Variants in DSCAML1 observed in about 807,000 individuals in gnomAD.
DSCAML1 encodes cell adhesion molecule DSCAML1.
Under a neutral mutation model 200.5 loss-of-function variants are expected in DSCAML1, and 38 were observed. The ratio of observed to expected loss-of-function variants is 0.19; its 90% CI spans 0.15 to 0.25. The LOEUF is 0.25. DSCAML1 is among the 10% of genes least tolerant of loss of function. DSCAML1 has a pLI of 1.00. For missense variants in DSCAML1, 2,223 were observed against 2,858.8 expected, an observed-to-expected ratio of 0.78 and a Z score of 5.07; for synonymous variants, 1,215 against 1,165.0, an observed-to-expected ratio of 1.04 and a Z score of -0.87.
In DSCAML1 at chr11:117,750,651, T is replaced by C. The variant is rs142601557; in HGVS notation, c.511+26140A>G. Reference sequence around the variant, plus strand: ...AGAGTGTAGGCCTCTGTGCTTATCCTAATCCCAAAATGAAGGTTCTAGTGG... The same window carrying C: ...AGAGTGTAGGCCTCTGTGCTTATCCCAATCCCAAAATGAAGGTTCTAGTGG... On this transcript the variant is annotated intron_variant, in intron 3 of 32. Coordinates refer to ENST00000651296, the MANE Select transcript of DSCAML1 (RefSeq NM_020693.4). 2.8e-3 allele frequency among the ~76,000 whole-genome samples: 423 copies of C among 152,296 alleles called. 4 individuals are homozygous for C. Among genetic ancestry groups the C allele is most frequent in the African/African-American group, 9.5e-3 (394 of 41,546 alleles).
In DSCAML1 at chr11:117,437,290, G is replaced by A. The variant is rs529781230; in HGVS notation, c.4552C>T (p.Arg1518Trp). The part of the protein sequence containing the change: ...CPITAIVLEY[R>W]PKGTWAWQGL... ...TGCCAGGCCCAGGTCCCCTTGGGCC[G>A]GTACTCCAGAACGATGGCTGTGATA... The change falls in exon 26 of 33, where the codon CGG becomes TGG. Residue 1518 changes from arginine to tryptophan, a missense_variant. Coordinates refer to ENST00000651296, the MANE Select transcript of DSCAML1 (RefSeq NM_020693.4). This position sits in a 1 kb window ranked among gnomAD's most constrained non-coding sequence, Gnocchi z 5.3. 1.9e-6 allele frequency: 3 copies of A among 1,614,244 alleles called. No individual in the cohort carries two copies. The highest frequency in any genetic ancestry group is 1.3e-5 in the African/African-American group (1 of 75,050).
chr11:117,718,907 G>A (rs1199260194), intron 3 of DSCAML1, among the ~76,000 whole-genome samples: 1 of 152,142 alleles, frequency 6.6e-6, no homozygotes, highest in Non-Finnish European at 1.5e-5. Context: ...GGCTTTGTGG[G>A]CCATCCTCAA....
At chr11:117,604,488 T>C (rs1368350309) in intron 3 of DSCAML1, among the ~76,000 whole-genome samples, 3 of 152,024 alleles carry the variant, frequency 2.0e-5, no homozygotes, top group Non-Finnish European at 4.4e-5. Context: ...CCCACCTTGG[T>C]GGGCCCTGCT....
At chr11:117,610,281 G>A (rs1162215664) in intron 3 of DSCAML1, among the ~76,000 whole-genome samples, 1 of 152,064 alleles carries the variant, frequency 6.6e-6, no homozygotes. Context: ...CCCCTTTTGC[G>A]GCTACAACTA....
At chr11:117,634,505 A>G (rs1306460477) in intron 3 of DSCAML1, among the ~76,000 whole-genome samples, 1 of 152,204 alleles carries the variant, frequency 6.6e-6, no homozygotes, top group Non-Finnish European at 1.5e-5. Context: ...AGGCAAAGGT[A>G]ACACATGCTG....
chr11:117,457,879 T>C (rs2137136985), intron 19 of DSCAML1, among the ~76,000 whole-genome samples: 1 of 152,320 alleles, frequency 6.6e-6, no homozygotes, highest in African/African-American at 2.4e-5. Flanking sequence ...GAAGCCACCA[T>C]GCCAAGGATG....
intron 3 of DSCAML1, among the ~76,000 whole-genome samples, chr11:117,662,423 G>T (rs1565859273): frequency 6.6e-6 from 1 of 152,246 alleles, no homozygotes; most frequent in Non-Finnish European, 1.5e-5. Flanking sequence ...ATGCCCGGAG[G>T]CAGAATCAGG....
intron 3 of DSCAML1, among the ~76,000 whole-genome samples, chr11:117,630,876 A>G (rs1218105504): frequency 6.6e-6 from 1 of 151,992 alleles, no homozygotes; most frequent in African/African-American, 2.4e-5. Context: ...TAAATGTGTG[A>G]CCTCAGCAGG....
At chr11:117,483,178 T>C (rs2097917466) in intron 11 of DSCAML1, among the ~76,000 whole-genome samples, 1 of 152,210 alleles carries the variant, frequency 6.6e-6, no homozygotes, top group African/African-American at 2.4e-5. Context: ...AGCGAAACCC[T>C]GTCCCCTTTC....
chr11:117,807,066 G>C (rs2055712503), intron 1 of DSCAML1, among the ~76,000 whole-genome samples: 1 of 152,098 alleles, frequency 6.6e-6, no homozygotes, highest in East Asian at 1.9e-4. Context: ...CCTTGGCCGG[G>C]GCACCCGCTT....
At chr11:117,620,549 G>A (rs2051907577) in intron 3 of DSCAML1, among the ~76,000 whole-genome samples, 1 of 152,184 alleles carries the variant, frequency 6.6e-6, no homozygotes, top group Non-Finnish European at 1.5e-5. Flanking sequence ...AGGCTTGTCT[G>A]TTTGCCACCC....
chr11:117,654,433 C>T (rs191752868), intron 3 of DSCAML1, among the ~76,000 whole-genome samples: 1 of 152,300 alleles, frequency 6.6e-6, no homozygotes, highest in Admixed American at 6.5e-5. Flanking sequence ...TATGCACTCA[C>T]ATTCTGGGCA....
chr11:117,656,013 G>A (rs958229154), intron 3 of DSCAML1, among the ~76,000 whole-genome samples: 12 of 152,192 alleles, frequency 7.9e-5, no homozygotes, highest in African/African-American at 2.7e-4. Flanking sequence ...AGGCCGAGGC[G>A]GGCAGATCAC....
Position 117,651,580 on chromosome 11 carries a change from C to T in DSCAML1, c.512-119058G>A, listed in dbSNP as rs188012988. ...AAAAAAAATTAGCCGGCCGTGGTGG[C>T]GGGCACCTGTAGTCCCAGCTACTCG... On this transcript the variant is annotated intron_variant, in intron 3 of 32. Coordinates refer to ENST00000651296, the MANE Select transcript of DSCAML1 (RefSeq NM_020693.4). Among the ~76,000 whole-genome samples the T allele has an allele frequency of 3.0e-3, 453 of 151,442 alleles. 2 individuals carry two copies. The highest frequency in any genetic ancestry group is 5.3e-3 in the Non-Finnish European group (359 of 67,824).
rs775409834 is a variant in DSCAML1 at position 117,518,641 on chromosome 11, A to G, written c.1335T>C (p.Asp445=). 6.2e-7 allele frequency: 1 copy of G among 1,613,488 alleles called. No individual in the cohort carries two copies. Among genetic ancestry groups the G allele is most frequent in the Non-Finnish European group, 8.5e-7 (1 of 1,179,920 alleles). Residue 445 remains aspartate, a synonymous_variant, in exon 7 of 33, where the codon GAT becomes GAC. Coordinates refer to ENST00000651296, the MANE Select transcript of DSCAML1 (RefSeq NM_020693.4). The surrounding 1 kb of genome is among the most constrained non-coding windows in gnomAD (Gnocchi z 6.3). ...GGCTGCCATCCCGCACGATGGGCTC[A>G]TCGTCGAGGGCCCAGGTGACCGTGG... The part of the protein sequence containing the change: ...PPPTVTWALD[D]EPIVRDGSHR...
At chr11:117,552,095 G>A (rs2050477930) in intron 3 of DSCAML1, among the ~76,000 whole-genome samples, 1 of 151,914 alleles carries the variant, frequency 6.6e-6, no homozygotes, top group Admixed American at 6.6e-5. Context: ...AGGAGCTGCG[G>A]TAACAGAGCC....
At chr11:117,510,210 T>C (rs143780048) in intron 8 of DSCAML1, among the ~76,000 whole-genome samples, 26 of 152,316 alleles carry the variant, frequency 1.7e-4, no homozygotes, top group African/African-American at 6.0e-4. Flanking sequence ...GAGCCTTTTA[T>C]TTACTGCACC....
intron 3 of DSCAML1, among the ~76,000 whole-genome samples, chr11:117,640,850 T>C (rs1184512650): frequency 6.6e-6 from 1 of 152,212 alleles, no homozygotes; most frequent in Non-Finnish European, 1.5e-5. Flanking sequence ...CTCACTGAGA[T>C]GTGTCATGTC....
chr11:117,782,227 G>A (rs1461986233), intron 1 of DSCAML1, among the ~76,000 whole-genome samples: 1 of 152,220 alleles, frequency 6.6e-6, no homozygotes, highest in African/African-American at 2.4e-5. Flanking sequence ...AGCCTCTGGG[G>A]AGAATATACC....
Sources: gnomAD v4.1 joint callset for allele counts (sites outside exome capture counted in the v4.1 genomes callset) on GRCh38, gnomAD v4.1.1 for gene constraint, Gnocchi (gnomAD v3.1) non-coding constraint, MANE v1.5 for transcripts, NCBI Gene and HGNC (gene_info 2026-07-23, HGNC 2026-07-21) for gene names.